ATP5MG: variants seen among roughly 807,000 people sequenced by gnomAD.
ATP5MG encodes the protein ATP synthase F(0) complex subunit g, mitochondrial.
In ATP5MG, 7 loss-of-function variants were observed where a neutral mutation model predicts 12.7. The ratio of observed to expected loss-of-function variants is 0.55; its 90% CI spans 0.31 to 1.04. ATP5MG has a LOEUF of 1.04. Ranked by LOEUF, ATP5MG falls within the 50% of genes least tolerant of loss-of-function variation. ATP5MG has a pLI of 0.05. For synonymous variants in ATP5MG, 53 were observed against 48.2 expected (o/e 1.10, Z -0.41); for missense variants, 116 against 126.7 (o/e 0.92, Z 0.41).
intron 1 of ATP5MG, among the ~76,000 whole-genome samples, chr11:118,404,417 G>A (rs1555131761): frequency 6.6e-6 from 1 of 152,170 alleles, no homozygotes; most frequent in Non-Finnish European, 1.5e-5. Flanking sequence ...GTCTGGGACA[G>A]TTTCCCAGTC....
chr11:118,401,804 A>T, intron 1 of ATP5MG, 87 bp downstream of exon 1: 1 of 1,491,764 alleles, frequency 6.7e-7, no homozygotes. Context: ...GGCTGCGAAG[A>T]CCCGAGGGGC....
chr11:118,407,144 T>C (rs781920279), intron 2 of ATP5MG, 47 bp downstream of exon 2: 1 of 1,608,812 alleles, frequency 6.2e-7, no homozygotes, highest in South Asian at 1.1e-5. Flanking sequence ...AGAAAATGTC[T>C]TCCCTTGGGA....
In ATP5MG at chr11:118,401,694, A is replaced by T. The variant is rs782381984; in HGVS notation, c.29A>T (p.Glu10Val). The T allele has an allele frequency of 1.1e-5, 18 of 1,613,524 alleles. No homozygotes were observed. Among genetic ancestry groups the T allele is most frequent in the Non-Finnish European group, 1.4e-5 (17 of 1,179,770 alleles). MAQFVRNLV[E>V]KTPALVNAAV... The stretch of plus-strand genomic sequence containing the variant: ...GCCCAATTTGTCCGTAACCTTGTGG[A>T]GAAGACCCCGGCGCTGGTGAACGGT... Residue 10 changes from glutamate (E) to valine (V), a missense_variant, in exon 1 of 3, where the codon GAG becomes GTG. Coordinates refer to ENST00000300688, the MANE Select transcript of ATP5MG (RefSeq NM_006476.5).
chr11:118,402,554 A>G (rs1397982499), intron 1 of ATP5MG, among the ~76,000 whole-genome samples: 1 of 152,192 alleles, frequency 6.6e-6, no homozygotes, highest in Non-Finnish European at 1.5e-5. Context: ...TATTCCAGTA[A>G]GTGACTGAAG....
chr11:118,409,244 C>A lies in ATP5MG; in HGVS notation c.*146C>A. ...GATACTCCATGAAAGGTCACAATTT[C>A]TCTTGATATTAAGCTGGGTTGTCTT... is the stretch of plus-strand genomic sequence containing the variant. On this transcript the variant is annotated 3_prime_UTR_variant, in exon 3 of 3. Coordinates refer to ENST00000300688, the MANE Select transcript of ATP5MG (RefSeq NM_006476.5). 2 of 439,920 alleles carry A rather than the reference C, an allele frequency of 4.5e-6. No homozygotes were observed. Among genetic ancestry groups the A allele is most frequent in the Non-Finnish European group, 7.6e-6 (2 of 264,782 alleles). 27.3% of individuals were successfully genotyped at this position (439,920 alleles called of 1,614,324 possible).
At chr11:118,405,555 CA>C (rs1948965281) in intron 1 of ATP5MG, 3 of 646,772 alleles carry the variant, frequency 4.6e-6, no homozygotes, top group Non-Finnish European at 5.8e-6. Flanking sequence ...TATACTGATT[CA>C]TTTTTTTTTT....
At chr11:118,403,332 C>CA (rs1948945479) in intron 1 of ATP5MG, among the ~76,000 whole-genome samples, 1 of 151,778 alleles carries the variant, frequency 6.6e-6, no homozygotes, top group Admixed American at 6.6e-5. Context: ...CCCATCTCTA[C>CA]AAAAAATACA....
intron 2 of ATP5MG, chr11:118,407,585 A>T (rs1948983763): frequency 6.3e-6 from 1 of 159,592 alleles, no homozygotes; most frequent in African/African-American, 2.4e-5. Context: ...TAGAACTTGC[A>T]GCCATACGCA....
Position 118,407,106 on chromosome 11 carries a change from G to A in ATP5MG, c.213+9G>A, listed in dbSNP as rs781897545. On this transcript the variant is annotated intron_variant, in intron 2 of 2. Coordinates refer to ENST00000300688, the MANE Select transcript of ATP5MG (RefSeq NM_006476.5). ...AACAGCTCACAGTTAAGGTAACCAC[G>A]GGCTAAATGAAAACGGATGTGCATA... The A allele has an allele frequency of 2.9e-5, 46 of 1,613,560 alleles. No individual in the cohort carries two copies. Among genetic ancestry groups the A allele is most frequent in the Middle Eastern group, 1.6e-4 (1 of 6,084 alleles).
chr11:118,404,383 TC>T (rs141879682), intron 1 of ATP5MG, among the ~76,000 whole-genome samples: 3,967 of 152,300 alleles, frequency 0.026, 78 homozygotes, highest in South Asian at 0.05. Flanking sequence ...GCATTTAGTT[TC>T]TATGTCTTCC....
intron 2 of ATP5MG, 104 bp from the exon 3 acceptor site, chr11:118,408,892 GTTCT>G (rs1459580677): frequency 3.9e-5 from 12 of 308,912 alleles, no homozygotes; most frequent in African/African-American, 6.8e-5. Flanking sequence ...CATCTTTTAT[GTTCT>G]TTGTCTCCTT....
chr11:118,401,744 C>T (rs1555131112), intron 1 of ATP5MG, 27 bp downstream of exon 1: 2 of 1,604,344 alleles, frequency 1.2e-6, no homozygotes, highest in Non-Finnish European at 1.7e-6. Context: ...ACCGCCGAGG[C>T]GGGCACACGG....
Position 118,403,183 on chromosome 11 carries a change from C to T in ATP5MG, c.52+1466C>T, listed in dbSNP as rs1201613067. Among the ~76,000 whole-genome samples the T allele has an allele frequency of 2.0e-5, 3 of 152,292 alleles. No individual in the cohort carries two copies. In the East Asian group the frequency reaches 5.8e-4, roughly 29 times the overall value. On this transcript the variant is annotated intron_variant, in intron 1 of 2. Coordinates refer to ENST00000300688, the MANE Select transcript of ATP5MG (RefSeq NM_006476.5). The stretch of plus-strand genomic sequence containing the variant: ...GATTGTTAAGATACCTGTCATAGAG[C>T]TCTACAATTTTATATAAATCAAAAG...
chr11:118,405,692 C>G, intron 1 of ATP5MG: 4 of 985,162 alleles, frequency 4.1e-6, no homozygotes, highest in Non-Finnish European at 4.8e-6. Context: ...TCTCTTAGAG[C>G]TTTGTGTCTG....
chr11:118,403,834 G>A (rs1449814375), intron 1 of ATP5MG: 3 of 151,670 alleles, frequency 2.0e-5, no homozygotes, highest in Admixed American at 1.3e-4. Flanking sequence ...AGGATTAGAG[G>A]CTTCACTCTG....
At chr11:118,408,712 T>C (rs187072393) in intron 2 of ATP5MG, among the ~76,000 whole-genome samples, 2 of 152,234 alleles carry the variant, frequency 1.3e-5, no homozygotes, top group East Asian at 1.9e-4. Context: ...CATAAACTTA[T>C]AATGAAAGGG....
In ATP5MG at chr11:118,409,087, TATG is replaced by T. The variant is rs782386723; in HGVS notation, c.305_307del (p.Asp102del). On this transcript the variant is annotated inframe_deletion, in exon 3 of 3. Coordinates refer to ENST00000300688, the MANE Select transcript of ATP5MG (RefSeq NM_006476.5). ...TATAGGCAAGCGGGGCATCATTGGCTATGATGTTTGAAGACCAATCTTTAACAT... is the reference window on the plus strand; with the variant it reads ...TATAGGCAAGCGGGGCATCATTGGCTATGTTTGAAGACCAATCTTTAACAT... 6.2e-7 allele frequency: 1 copy of T among 1,607,178 alleles called. No individual in the cohort carries two copies. Among genetic ancestry groups the T allele is most frequent in the African/African-American group, 1.3e-5 (1 of 74,656 alleles).
At chr11:118,406,035 GTAGTTT>G (rs1207279896) in intron 1 of ATP5MG, 1 of 152,132 alleles carries the variant, frequency 6.6e-6, no homozygotes, top group East Asian at 1.9e-4. Flanking sequence ...GCTAATTTTT[GTAGTTT>G]TAGTAGAGAC....
At chr11:118,402,904 GC>G (rs1948941291) in intron 1 of ATP5MG, among the ~76,000 whole-genome samples, 1 of 151,818 alleles carries the variant, frequency 6.6e-6, no homozygotes, top group Non-Finnish European at 1.5e-5. Context: ...TCACCATGTT[GC>G]CCAGGCTAGT....
Sources: gnomAD v4.1 joint callset for allele counts (sites outside exome capture counted in the v4.1 genomes callset) on GRCh38, gnomAD v4.1.1 for gene constraint, MANE v1.5 for transcripts, NCBI Gene and HGNC (gene_info 2026-07-23, HGNC 2026-07-21) for gene names.